Variants in ZNF594 observed in about 807,000 individuals in gnomAD.
ZNF594 encodes the protein zinc finger protein HZF18.
For synonymous variants in ZNF594, 336 were observed against 309.4 expected (o/e 1.09, Z -0.90); for missense variants, 1,037 against 964.6 (o/e 1.08, Z -0.99).
chr17:5,190,178 C>T (rs1174450042), intron 1 of ZNF594, among the ~76,000 whole-genome samples: 3 of 152,074 alleles, frequency 2.0e-5, no homozygotes, highest in Admixed American at 2.0e-4. Flanking sequence ...ACCAGCCTGA[C>T]CAACATGGAG....
rs755428460 is a variant in ZNF594, at chr17:5,182,268, C to T, written c.1989G>A (p.Gln663=). Residue 663 remains glutamine (Q), a synonymous_variant, in exon 2 of 2, where the codon CAG becomes CAA. Transcript: ENST00000575779. ...ECSECGKAFS[Q]RSHLATHQKI... ...TCTGGTGTGTAGCAAGGTGTGACCT[C>T]TGGCTGAAGGCTTTCCCACATTCAC... The T allele has an allele frequency of 2.5e-6, 4 of 1,613,618 alleles. No individual in the cohort carries two copies. In the South Asian group the frequency reaches 3.3e-5, roughly 13 times the overall value.
chr17:5,183,356 C>T lies in ZNF594; in HGVS notation c.901G>A (p.Glu301Lys), dbSNP rs1567826134. The change falls in exon 2 of 2, where the codon GAA (glutamate) becomes AAA (lysine). Residue 301 changes from glutamate to lysine, a missense_variant. Glu to Lys is a moderately conservative substitution (Grantham distance 56). Transcript: ENST00000575779. The part of the protein sequence containing the change: ...GEKPLKCNEC[E>K]KAFRQHSHLT... The stretch of plus-strand genomic sequence containing the variant: ...TGAGAATGCTGCCTGAAGGCTTTTT[C>T]ACATTCATTACATTTGAGGGGTTTC... 6.2e-7 allele frequency: 1 copy of T among 1,613,768 alleles called. No homozygotes were observed. The highest frequency in any genetic ancestry group is 8.5e-7 in the Non-Finnish European group (1 of 1,180,038).
Position 5,183,825 on chromosome 17 carries a change from T to C in ZNF594, c.432A>G (p.Ile144Met), listed in dbSNP as rs760796053. Residue 144 changes from isoleucine (I) to methionine (M), a missense_variant, in exon 2 of 2, where the codon ATA (isoleucine) becomes ATG (methionine). By Grantham distance (10) the Ile-to-Met change is conservative (BLOSUM62 1). Coordinates refer to ENST00000575779, the MANE Select transcript of ZNF594 (RefSeq NM_032530.2). ...TATTTCCTGTATGAATTCTCTGATG[T>C]ATGATCAGGTTTGAACTCCTGTTGA... is the stretch of plus-strand genomic sequence containing the variant. ...KTFNRSSNLI[I>M]HQRIHTGNKP... 6.0e-5 allele frequency: 97 copies of C among 1,614,048 alleles called. No individual in the cohort carries two copies. The highest frequency in any genetic ancestry group is 8.1e-5 in the Non-Finnish European group (95 of 1,180,022).
At chr17:5,178,975 CAA>C (rs1245072831), downstream of ZNF594, among the ~76,000 whole-genome samples, 4 of 152,014 alleles carry the variant, frequency 2.6e-5, no homozygotes, top group Non-Finnish European at 5.9e-5. Context: ...AAAATGAAGA[CAA>C]AGACGCAAAG....
rs746557650 is a variant in ZNF594, at chr17:5,182,267, T to C, written c.1990A>G (p.Arg664Gly). The C allele has an allele frequency of 4.3e-6, 7 of 1,613,558 alleles. No homozygotes were observed. In the Admixed American group the frequency reaches 1.2e-4, roughly 27 times the overall value. Reference sequence around the variant, plus strand: ...TTCTGGTGTGTAGCAAGGTGTGACCTCTGGCTGAAGGCTTTCCCACATTCA... The same window carrying C: ...TTCTGGTGTGTAGCAAGGTGTGACCCCTGGCTGAAGGCTTTCCCACATTCA... ...CSECGKAFSQ[R>G]SHLATHQKIH... is the part of the protein sequence containing the mutation. Residue 664 changes from arginine (R) to glycine (G), a missense_variant, in exon 2 of 2, where the codon AGG becomes GGG. Arg to Gly is a moderately radical substitution (Grantham distance 125). Transcript: ENST00000575779.
rs1306668290 is a variant in ZNF594, at chr17:5,180,545, C to G, written c.*1288G>C. ...CTTAAAACATTCTCAAGTAATTAGA[C>G]CCCTGGGGCTGGTGCAGTGGCTCAT... On this transcript the variant is annotated 3_prime_UTR_variant, in exon 2 of 2. Coordinates refer to ENST00000575779, the MANE Select transcript of ZNF594 (RefSeq NM_032530.2). 1 of 160,504 alleles carries G rather than the reference C, an allele frequency of 6.2e-6. No homozygotes were observed. The highest frequency in any genetic ancestry group is 2.4e-5 in the African/African-American group (1 of 41,418). The allele number at this position is 160,504 out of a possible 1,614,324, so 9.9% of individuals were successfully genotyped here.
rs551247291 is a variant in ZNF594, at chr17:5,179,883, G to A, written c.*1950C>T. The A allele has an allele frequency of 1.3e-5, 2 of 152,078 alleles. No individual in the cohort carries two copies. Among genetic ancestry groups the A allele is most frequent in the South Asian group, 4.2e-4 (2 of 4,798 alleles). 9.4% of individuals were successfully genotyped at this position (152,078 alleles called of 1,614,324 possible). A position where few individuals can be genotyped will look rare whatever the true frequency, so the allele number is the denominator to read the frequency against. On this transcript the variant is annotated 3_prime_UTR_variant, in exon 2 of 2. Transcript: ENST00000575779. Reference sequence around the variant, plus strand: ...AAAATATAATTCTTTAATAAATGCAGTTTGGTAAACATAATCTTTTAAGAC... The same window carrying A: ...AAAATATAATTCTTTAATAAATGCAATTTGGTAAACATAATCTTTTAAGAC...
At chr17:5,174,991 A>G (rs2074294347), downstream of ZNF594, 1 of 185,434 alleles carries the variant, frequency 5.4e-6, no homozygotes, top group South Asian at 2.0e-4. Context: ...GGTTGCCTCT[A>G]TGTGCTGTTT....
chr17:5,184,578 G>A (rs1458922686), intron 1 of ZNF594, among the ~76,000 whole-genome samples: 1 of 152,194 alleles, frequency 6.6e-6, no homozygotes, highest in African/African-American at 2.4e-5. Context: ...GAAGTGGCCT[G>A]TTGGATGGGG....
rs376002763 is a variant in ZNF594, at chr17:5,183,018, G to C, written c.1239C>G (p.Phe413Leu). 3.7e-6 allele frequency: 6 copies of C among 1,613,890 alleles called. No homozygotes were observed. The highest frequency in any genetic ancestry group is 4.2e-6 in the Non-Finnish European group (5 of 1,179,992). Residue 413 changes from phenylalanine (F) to leucine (L), a missense_variant, in exon 2 of 2, where the codon TTC becomes TTG. Physicochemically the swap from Phe to Leu is conservative, Grantham distance 22. Transcript: ENST00000575779. The stretch of plus-strand genomic sequence containing the variant: ...GTCTCAGAAGGTCTGAGCTCTGATT[G>C]AAAGTTTTCCCACATTCTTTACATT... Reference protein sequence around the residue: ...PYECKECGKTFNQSSDLLRHH... With the variant: ...PYECKECGKTLNQSSDLLRHH...
rs773929564 is a variant in ZNF594 at position 5,181,359 on chromosome 17, G to C, written c.*474C>G. ...AGTTACCTGATGTCCGATGAGGTCT[G>C]AGCTGCCCTGGAAAGCCCTACCACA... On this transcript the variant is annotated 3_prime_UTR_variant, in exon 2 of 2. Transcript: ENST00000575779. 1 of 1,613,078 alleles carries C rather than the reference G, an allele frequency of 6.2e-7. No individual in the cohort carries two copies. Among genetic ancestry groups the C allele is most frequent in the Non-Finnish European group, 8.5e-7 (1 of 1,179,060 alleles).
Position 5,181,934 on chromosome 17 carries a change from C to G in ZNF594, c.2323G>C (p.Asp775His), listed in dbSNP as rs776389178. The change falls in exon 2 of 2, where the codon GAT becomes CAT. Residue 775 changes from aspartate (D) to histidine (H), a missense_variant. Asp to His is a moderately conservative substitution (Grantham distance 81). Transcript: ENST00000575779. ...QCSRTFQGSS[D>H]LIRHQVTHTR... ...TGAGTTACCTGATGTCTGATGAGAT[C>G]TGAGCTGCCCTGGAAGGTCCTACTA... The G allele has an allele frequency of 5.6e-6, 9 of 1,613,974 alleles. No homozygotes were observed. The South Asian group carries it at 7.7e-5, about 14-fold the overall frequency.
downstream of ZNF594, among the ~76,000 whole-genome samples, chr17:5,178,070 G>GTTT (rs59337751): frequency 7.0e-5 from 10 of 142,874 alleles, no homozygotes; most frequent in East Asian, 4.0e-4. Context: ...ATATTTTTCA[G>GTTT]TTTTTTTTTT....
At chr17:5,178,496 C>A (rs2144230547), downstream of ZNF594, among the ~76,000 whole-genome samples, 1 of 152,108 alleles carries the variant, frequency 6.6e-6, no homozygotes, top group East Asian at 1.9e-4. Flanking sequence ...AAACCTGTTC[C>A]CTGGAATCAG....
At chr17:5,174,584 A>AT (rs1373531399), downstream of ZNF594, 1 of 193,658 alleles carries the variant, frequency 5.2e-6, no homozygotes, top group East Asian at 8.2e-5. Flanking sequence ...TAGTTTCAAG[A>AT]TTTTCAGTAA....
At chr17:5,187,042 T>C (rs1023283721) in intron 1 of ZNF594, among the ~76,000 whole-genome samples, 12 of 152,324 alleles carry the variant, frequency 7.9e-5, no homozygotes, top group Admixed American at 1.3e-4. Context: ...AGCTCCAGAA[T>C]TGCTTCCACA....
In ZNF594 at chr17:5,183,071, C is replaced by T. The variant is rs748256701; in HGVS notation, c.1186G>A (p.Val396Ile). 1.5e-5 allele frequency: 24 copies of T among 1,613,954 alleles called. No individual in the cohort carries two copies. In the South Asian group the frequency reaches 2.5e-4, roughly 17 times the overall value. ...TATGGTTTCTCTCCTGTATGAGTTA[C>T]CTGATGTCTGATGAGGTCTGAGGTG... ...QGTSDLIRHQ[V>I]THTGEKPYEC... Residue 396 changes from valine (V) to isoleucine (I), a missense_variant, in exon 2 of 2, where the codon GTA (valine) becomes ATA (isoleucine). Transcript: ENST00000575779.
At chr17:5,190,473 T>G (rs1429827815) in intron 1 of ZNF594, among the ~76,000 whole-genome samples, 1 of 152,236 alleles carries the variant, frequency 6.6e-6, no homozygotes, top group Non-Finnish European at 1.5e-5. Flanking sequence ...TTTTTTAACT[T>G]AAGAAATGCC....
In ZNF594 at chr17:5,181,725, T is replaced by C. The variant is rs1567824392; in HGVS notation, c.*108A>G. On this transcript the variant is annotated 3_prime_UTR_variant, in exon 2 of 2. Transcript: ENST00000575779. ...GACTTTCCCACATTCACTACATTCA[T>C]GAGGTTTCTCTCCAGTATGAACACG... 1.3e-6 allele frequency: 2 copies of C among 1,587,664 alleles called. No individual in the cohort carries two copies. The highest frequency in any genetic ancestry group is 1.7e-6 in the Non-Finnish European group (2 of 1,156,084).
Sources: allele counts gnomAD v4.1 joint callset (sites outside exome capture counted in the v4.1 genomes callset), GRCh38; gene constraint gnomAD v4.1.1; transcripts MANE v1.5; gene names NCBI Gene and HGNC (gene_info 2026-07-23, HGNC 2026-07-21).